Variants in PALLD observed in about 807,000 individuals in gnomAD.
PALLD encodes the protein palladin.
A neutral mutation model predicts 123.5 loss-of-function variants in PALLD; 61 were observed. The ratio of observed to expected loss-of-function variants is 0.49; its 90% CI spans 0.40 to 0.61. PALLD has a LOEUF of 0.61. PALLD is among the 20% of genes least tolerant of loss of function. PALLD has a pLI of 0.00. For synonymous variants in PALLD, 465 were observed against 496.4 expected (o/e 0.94, Z 0.84); for missense variants, 1,273 against 1,377.0 (o/e 0.92, Z 1.20).
intron 10 of PALLD, among the ~76,000 whole-genome samples, chr4:168,857,162 A>G (rs1374713743): frequency 6.6e-6 from 1 of 152,196 alleles, no homozygotes; most frequent in Non-Finnish European, 1.5e-5. Context: ...TTTCATGAAC[A>G]GTGTGATTGA....
In PALLD at chr4:168,921,828, G is replaced by A. The variant is rs1348081379; in HGVS notation, c.3058+87G>A. The A allele has an allele frequency of 3.3e-5, 33 of 1,001,680 alleles. No homozygotes were observed. The East Asian group carries it at 3.4e-4, about 10-fold the overall frequency. The allele number at this position is 1,001,680 out of a possible 1,614,324, so 62.0% of individuals were successfully genotyped here. A position where few individuals can be genotyped will look rare whatever the true frequency, so the allele number is the denominator to read the frequency against. ...CTAATTCTACATTACTAACCAATAC[G>A]GAAAATAAAGTATTGAAAAAATAGA... is the stretch of plus-strand genomic sequence containing the variant. On this transcript the variant is annotated intron_variant, in intron 18 of 21. Transcript: ENST00000505667.
intron 5 of PALLD, 27 bp from the exon 6 acceptor site, chr4:168,685,458 T>A (rs1384752252): frequency 2.0e-6 from 3 of 1,480,046 alleles, no homozygotes; most frequent in Non-Finnish European, 2.8e-6. Context: ...TATTTAGAAT[T>A]TGATCCATAT....
chr4:168,815,258 G>A (rs1199698072), intron 10 of PALLD, among the ~76,000 whole-genome samples: 1 of 152,202 alleles, frequency 6.6e-6, no homozygotes, highest in East Asian at 1.9e-4. Flanking sequence ...AGAATTGCTT[G>A]GTGCTCCTGT....
At chr4:168,691,999 A>G (rs189150558) in intron 8 of PALLD, among the ~76,000 whole-genome samples, 69 of 151,952 alleles carry the variant, frequency 4.5e-4, no homozygotes, top group Non-Finnish European at 8.5e-4. Context: ...CCTCAAGACT[A>G]TTTTCTTTTG....
At chr4:168,845,225 C>T (rs1005894234) in intron 10 of PALLD, among the ~76,000 whole-genome samples, 5 of 152,138 alleles carry the variant, frequency 3.3e-5, no homozygotes, top group South Asian at 4.1e-4. Context: ...TCAAGGGATA[C>T]GGTCAGAAAT....
At chr4:168,916,152 C>G in intron 17 of PALLD, 125 bp downstream of exon 17, 1 of 942,002 alleles carries the variant, frequency 1.1e-6, no homozygotes, top group South Asian at 1.3e-5. Flanking sequence ...GTGGCTCACA[C>G]CTATAATCCC....
chr4:168,791,468 C>G (rs1278624472), intron 10 of PALLD, among the ~76,000 whole-genome samples: 1 of 152,090 alleles, frequency 6.6e-6, no homozygotes, highest in Non-Finnish European at 1.5e-5. Flanking sequence ...AAGCAAGTAC[C>G]TTCTTCACAA....
chr4:168,653,674 GTA>G (rs1259544657), intron 2 of PALLD, among the ~76,000 whole-genome samples: 2 of 152,240 alleles, frequency 1.3e-5, no homozygotes, highest in African/African-American at 4.8e-5. Flanking sequence ...CAGCAAACAC[GTA>G]TAGTCATTAT....
At chr4:168,596,779 A>T (rs1312671786) in intron 2 of PALLD, among the ~76,000 whole-genome samples, 1 of 151,972 alleles carries the variant, frequency 6.6e-6, no homozygotes. Flanking sequence ...GTTTCTAAAA[A>T]AAATTATAAT....
intron 2 of PALLD, among the ~76,000 whole-genome samples, chr4:168,526,200 G>A (rs1448196998): frequency 6.6e-6 from 1 of 152,146 alleles, no homozygotes; most frequent in Non-Finnish European, 1.5e-5. Context: ...CTGCAATTCG[G>A]AACGTACTAT....
chr4:168,713,940 T>A (rs1785081013), intron 10 of PALLD, among the ~76,000 whole-genome samples: 1 of 130,924 alleles, frequency 7.6e-6, no homozygotes, highest in Non-Finnish European at 1.6e-5. Flanking sequence ...GGTTTTCCCA[T>A]TGTTTTTTTT....
chr4:168,701,418 A>G (rs1380148512), intron 8 of PALLD, among the ~76,000 whole-genome samples: 1 of 152,248 alleles, frequency 6.6e-6, no homozygotes, highest in African/African-American at 2.4e-5. Flanking sequence ...GGAGGATGAT[A>G]AAATTTCGTT....
In PALLD at chr4:168,681,232, A is replaced by G. The variant is rs1242068944; in HGVS notation, c.1088-100A>G. On this transcript the variant is annotated intron_variant, in intron 3 of 21. Coordinates refer to ENST00000505667, the MANE Select transcript of PALLD (RefSeq NM_001166108.2). ...TTTATTGTGTGTTTCGGTCAAAAAG[A>G]CTTTGTATGTTATTTTATTTAAGGG... 6.5e-6 allele frequency: 5 copies of G among 770,454 alleles called. No homozygotes were observed. The African/African-American group carries it at 8.7e-5, about 13-fold the overall frequency. 47.7% of individuals were successfully genotyped at this position (770,454 alleles called of 1,614,324 possible).
intron 10 of PALLD, among the ~76,000 whole-genome samples, chr4:168,759,103 C>T (rs918141387): frequency 1.4e-5 from 2 of 143,538 alleles, no homozygotes; most frequent in Admixed American, 7.2e-5. Flanking sequence ...CACTTGAACC[C>T]GGGAGGCGGA....
chr4:168,640,671 T>C (rs1458171488), intron 2 of PALLD, among the ~76,000 whole-genome samples: 1 of 152,236 alleles, frequency 6.6e-6, no homozygotes, highest in African/African-American at 2.4e-5. Flanking sequence ...AATGTGATAA[T>C]TATGAATATT....
At chr4:168,806,470 G>A (rs1412270841) in intron 10 of PALLD, among the ~76,000 whole-genome samples, 1 of 152,134 alleles carries the variant, frequency 6.6e-6, no homozygotes. Flanking sequence ...CTTCCACCAT[G>A]ACTGTAAGTT....
intron 10 of PALLD, among the ~76,000 whole-genome samples, chr4:168,770,070 G>T (rs1321644889): frequency 6.6e-6 from 1 of 152,122 alleles, no homozygotes; most frequent in East Asian, 1.9e-4. Context: ...GGAAGAGAGG[G>T]GTCTTGGAAG....
intron 2 of PALLD, chr4:168,536,602 A>T (rs1232174472): frequency 6.6e-6 from 1 of 152,206 alleles, no homozygotes; most frequent in African/African-American, 2.4e-5. Context: ...ACGCAGCACA[A>T]GGCAGGAAGA....
chr4:168,778,201 GA>G (rs1323173675), intron 10 of PALLD, among the ~76,000 whole-genome samples: 3 of 151,914 alleles, frequency 2.0e-5, no homozygotes, highest in Admixed American at 6.5e-5. Context: ...TTTTGAAAAA[GA>G]AAAAGCAGAA....
Sources: allele counts gnomAD v4.1 joint callset (sites outside exome capture counted in the v4.1 genomes callset), GRCh38; gene constraint gnomAD v4.1.1; transcripts MANE v1.5; gene names NCBI Gene and HGNC (gene_info 2026-07-23, HGNC 2026-07-21).